FREM3: variants seen among roughly 807,000 people sequenced by gnomAD.
FREM3 encodes the protein FRAS1 related extracellular matrix 3.
In FREM3, 105 loss-of-function variants were observed where a neutral mutation model predicts 129.1. That is an observed-to-expected ratio of 0.81 (90% CI 0.69 to 0.96). The LOEUF (loss-of-function observed/expected upper bound fraction) is 0.96. Among genes scored for constraint, FREM3 ranks in the 40% least tolerant of loss-of-function variants. The pLI, the probability that FREM3 is intolerant of heterozygous loss-of-function variation, is 0.00. For missense variants in FREM3, 2,593 were observed against 2,666.3 expected, an observed-to-expected ratio of 0.97 and a Z score of 0.61; for synonymous variants, 1,014 against 1,044.9, an observed-to-expected ratio of 0.97 and a Z score of 0.57.
At chr4:143,668,607 A>G (rs1332381446) in intron 2 of FREM3, among the ~76,000 whole-genome samples, 4 of 152,216 alleles carry the variant, frequency 2.6e-5, no homozygotes, top group African/African-American at 4.8e-5. Context: ...GTTTGGTGCT[A>G]TTGCTAGGGC....
rs781427370 is a variant in FREM3, at chr4:143,625,256, T to TCACCAC, written c.5423-924_5423-919dup. Among the ~76,000 whole-genome samples, 38 of 152,286 alleles carry TCACCAC rather than the reference T, an allele frequency of 2.5e-4. No individual in the cohort carries two copies. The East Asian group carries it at 7.0e-3, about 28-fold the overall frequency. On this transcript the variant is annotated intron_variant, in intron 3 of 7. Coordinates refer to ENST00000329798, the MANE Select transcript of FREM3 (RefSeq NM_001168235.2). ...ATACCAAGAAAACAATACCCATGCC[T>TCACCAC]CACCACTTAAGTCCCATTATAAGGG...
chr4:143,629,418 T>C (rs2036170), intron 2 of FREM3, among the ~76,000 whole-genome samples: 149,750 of 152,240 alleles, frequency 0.98, 73,688 homozygotes, highest in South Asian at 1. Context: ...TGATGTGTAA[T>C]TGCAAGATAA....
At chr4:143,653,051 C>CT (rs1476919401) in intron 2 of FREM3, among the ~76,000 whole-genome samples, 5 of 152,140 alleles carry the variant, frequency 3.3e-5, no homozygotes, top group Non-Finnish European at 5.9e-5. Flanking sequence ...TGGGCAAACT[C>CT]TAAAAGGCAT....
intron 5 of FREM3, among the ~76,000 whole-genome samples, chr4:143,616,458 T>C (rs1217733359): frequency 6.6e-6 from 1 of 152,096 alleles, no homozygotes; most frequent in African/African-American, 2.4e-5. Flanking sequence ...AAAAAGAAAG[T>C]CTTTCACCTG....
In FREM3 at chr4:143,697,145, G is replaced by A. The variant is rs1179766599; in HGVS notation, c.3531C>T (p.Ser1177=). 1 of 1,537,856 alleles carries A rather than the reference G, an allele frequency of 6.5e-7. No homozygotes were observed. Among genetic ancestry groups the A allele is most frequent in the South Asian group, 1.2e-5 (1 of 84,050 alleles). The part of the protein sequence containing the change: ...TFYCSDGINF[S]PNVFFPIIIL... ...TGATTATAGGGAAGAAGACATTTGG[G>A]GAGAAGTTGATGCCATCAGAGCAAT... Residue 1177 remains serine (S), a synonymous_variant, in exon 1 of 8, where the codon TCC becomes TCT. Transcript: ENST00000329798.
rs536462522 is a variant in FREM3, at chr4:143,685,957, C to T, written c.5275+7156G>A. On this transcript the variant is annotated intron_variant, in intron 2 of 7. Transcript: ENST00000329798. ...CCCCAAACCATGGCATGTGTATACC[C>T]ATGTAACAAATCTGCATGTTCTGCA... 2.0e-5 allele frequency among the ~76,000 whole-genome samples: 3 copies of T among 152,152 alleles called. No individual in the cohort carries two copies. In the South Asian group the frequency reaches 6.2e-4, roughly 32 times the overall value.
intron 7 of FREM3, among the ~76,000 whole-genome samples, chr4:143,579,110 T>C (rs557129784): frequency 5.9e-5 from 9 of 151,344 alleles, no homozygotes; most frequent in African/African-American, 2.2e-4. Flanking sequence ...TTCTGTAAGT[T>C]TGAGATTACT....
At chr4:143,669,194 G>A (rs1045394198) in intron 2 of FREM3, among the ~76,000 whole-genome samples, 3 of 152,160 alleles carry the variant, frequency 2.0e-5, no homozygotes, top group African/African-American at 7.2e-5. Flanking sequence ...AAGACTGAGA[G>A]GCCTGTGAAC....
chr4:143,695,481 AC>A lies in FREM3; in HGVS notation c.5185+9del, dbSNP rs781158959. 181 of 1,529,772 alleles carry A rather than the reference AC, an allele frequency of 1.2e-4. No homozygotes were observed. In the African/African-American group the frequency reaches 2.3e-3, roughly 19 times the overall value. The allele number at this position is 1,529,772 out of a possible 1,614,324, so 94.8% of individuals were successfully genotyped here. A position where few individuals can be genotyped will look rare whatever the true frequency, so the allele number is the denominator to read the frequency against. On this transcript the variant is annotated intron_variant, in intron 1 of 7. Coordinates refer to ENST00000329798, the MANE Select transcript of FREM3 (RefSeq NM_001168235.2). ...AGGGACAGAATAGGCAGGGAAGAAT[AC>A]ATACTAACCTTGTGTAAACACTCGA...
Position 143,695,505 on chromosome 4 carries a change from C to T in FREM3, c.5171G>A (p.Arg1724Gln), listed in dbSNP as rs975779555. The T allele has an allele frequency of 6.8e-5, 104 of 1,537,048 alleles. No individual in the cohort carries two copies. Among genetic ancestry groups the T allele is most frequent in the East Asian group, 1.7e-4 (7 of 40,934 alleles). Residue 1724 changes from arginine to glutamine, a missense_variant, in exon 1 of 8, where the codon CGA becomes CAA. Transcript: ENST00000329798. ...IKTGLGNQST[R>Q]VFTQADIDEM... ...TACATACTAACCTTGTGTAAACACT[C>T]GAGTGCTCTGGTTTCCAAGGCCAGT...
At position 143,699,503 on chromosome 4, in the gene FREM3, G is replaced by C. The variant is rs1375096696; in HGVS notation, c.1173C>G (p.Pro391=). 1 of 1,537,272 alleles carries C rather than the reference G, an allele frequency of 6.5e-7. No individual in the cohort carries two copies. Among genetic ancestry groups the C allele is most frequent in the East Asian group, 2.4e-5 (1 of 40,902 alleles). Residue 391 remains proline (P), a synonymous_variant, in exon 1 of 8, where the codon CCC becomes CCG. Transcript: ENST00000329798. This position sits in a 1 kb window ranked among gnomAD's most constrained non-coding sequence, Gnocchi z 4.2. The part of the protein sequence containing the change: ...ELRELKIAYQ[P]PAENSHGERL... ...GCTCCCCATGGGAGTTCTCTGCAGG[G>C]GGCTGATAGGCAATCTTCAGCTCCC... is the stretch of plus-strand genomic sequence containing the variant.
intron 2 of FREM3, among the ~76,000 whole-genome samples, chr4:143,658,610 A>G (rs986301802): frequency 3.9e-5 from 6 of 152,234 alleles, no homozygotes; most frequent in Non-Finnish European, 8.8e-5. Flanking sequence ...AGTTAGAACA[A>G]GCTTGTCCAA....
At chr4:143,668,568 G>T (rs912051474) in intron 2 of FREM3, among the ~76,000 whole-genome samples, 6 of 152,176 alleles carry the variant, frequency 3.9e-5, no homozygotes, top group Admixed American at 3.3e-4. Flanking sequence ...TCATGAAAGG[G>T]CTGAAATTTT....
intron 6 of FREM3, among the ~76,000 whole-genome samples, chr4:143,609,065 G>C (rs1452226885): frequency 1.3e-5 from 2 of 152,012 alleles, no homozygotes; most frequent in African/African-American, 4.8e-5. Context: ...AGGGTTCCTA[G>C]AGACAACCCA....
chr4:143,588,998 T>C (rs894966023), intron 6 of FREM3, among the ~76,000 whole-genome samples: 4 of 152,126 alleles, frequency 2.6e-5, no homozygotes, highest in Non-Finnish European at 4.4e-5. Context: ...TGGCCAGTGA[T>C]GATGAGCATT....
At position 143,699,256 on chromosome 4, in the gene FREM3, T is replaced by A. The variant is rs1165547007; in HGVS notation, c.1420A>T (p.Arg474Trp). 2.0e-6 allele frequency: 3 copies of A among 1,537,294 alleles called. 1 individual carries two copies. The South Asian group carries it at 3.6e-5, about 18-fold the overall frequency. Residue 474 changes from arginine to tryptophan, a missense_variant, in exon 1 of 8, where the codon AGG (arginine) becomes TGG (tryptophan). Arg to Trp is a moderately radical substitution (Grantham distance 101). Around this residue, in one of 2 missense-constraint regions of FREM3, gnomAD observed 2,276 missense variants for 2,267.2 expected, o/e 1.00. Coordinates refer to ENST00000329798, the MANE Select transcript of FREM3 (RefSeq NM_001168235.2). This position sits in a 1 kb window ranked among gnomAD's most constrained non-coding sequence, Gnocchi z 4.2. The stretch of plus-strand genomic sequence containing the variant: ...ACCAGCTGCCCATGTCTCAAGCCCC[T>A]GACTGCAGCCATTTTCACCTCTTCC... ...NLEEVKMAAV[R>W]GLRHGQLVVF... is the part of the protein sequence containing the mutation.
chr4:143,577,571 GGA>G lies in FREM3; in HGVS notation c.*38_*39del. ...ACAGTAGAGTTTCATTCTGTTGTTA[GGA>G]GACATATCTTGGCTGTTTTTTTCCC... On this transcript the variant is annotated 3_prime_UTR_variant, in exon 8 of 8. Transcript: ENST00000329798. The G allele has an allele frequency of 3.3e-6, 5 of 1,514,790 alleles. No individual in the cohort carries two copies. Among genetic ancestry groups the G allele is most frequent in the Non-Finnish European group, 4.4e-6 (5 of 1,133,286 alleles). The allele number at this position is 1,514,790 out of a possible 1,614,324, so 93.8% of individuals were successfully genotyped here.
rs201833779 is a variant in FREM3, at chr4:143,699,238, G to T, written c.1438C>A (p.Gln480Lys). The change falls in exon 1 of 8, where the codon CAG becomes AAG. Residue 480 changes from glutamine (Q) to lysine (K), a missense_variant. Gln to Lys is a moderately conservative substitution (Grantham distance 53, BLOSUM62 1). This residue lies in a region of FREM3 where 2,276 missense variants were observed against 2,267.2 expected (regional missense o/e 1.00). Coordinates refer to ENST00000329798, the MANE Select transcript of FREM3 (RefSeq NM_001168235.2). The surrounding 1 kb of genome is among the most constrained non-coding windows in gnomAD (Gnocchi z 4.2). ...GCAGGTGCCCCAAACACCACCAGCT[G>T]CCCATGTCTCAAGCCCCTGACTGCA... Reference protein sequence around the residue: ...MAAVRGLRHGQLVVFGAPAGC... With the variant: ...MAAVRGLRHGKLVVFGAPAGC... 2,433 of 1,537,282 alleles carry T rather than the reference G, an allele frequency of 1.6e-3. 2 individuals carry two copies. Among genetic ancestry groups the T allele is most frequent in the Non-Finnish European group, 2.0e-3 (2,341 of 1,146,922 alleles).
At chr4:143,620,305 TTC>T (rs1375492295) in intron 5 of FREM3, among the ~76,000 whole-genome samples, 1 of 152,240 alleles carries the variant, frequency 6.6e-6, no homozygotes, top group African/African-American at 2.4e-5. Context: ...TTTCTCATGC[TTC>T]TGCCTGTTGG....
Sources: gnomAD v4.1 joint callset for allele counts (sites outside exome capture counted in the v4.1 genomes callset) on GRCh38, gnomAD v4.1.1 for gene constraint, gnomAD v4.1.1 regional missense constraint, Gnocchi (gnomAD v3.1) non-coding constraint, MANE v1.5 for transcripts, NCBI Gene and HGNC (gene_info 2026-07-23, HGNC 2026-07-21) for gene names.